CHSY3: variants seen among roughly 807,000 people sequenced by gnomAD.
The protein encoded by CHSY3 is chondroitin sulfate synthase 3.
In CHSY3, 35 loss-of-function variants were observed where a neutral mutation model predicts 67.2. That is an observed-to-expected ratio of 0.52 (90% CI 0.40 to 0.69). The LOEUF is 0.69. Ranked by LOEUF, CHSY3 falls within the 30% of genes least tolerant of loss-of-function variation. The pLI is 0.00. For missense variants in CHSY3, 1,069 were observed against 1,138.5 expected, an observed-to-expected ratio of 0.94 and a Z score of 0.88; for synonymous variants, 474 against 434.7, an observed-to-expected ratio of 1.09 and a Z score of -1.12.
intron 2 of CHSY3, among the ~76,000 whole-genome samples, chr5:130,053,894 G>A (rs1765445004): frequency 6.6e-6 from 1 of 151,930 alleles, no homozygotes; most frequent in South Asian, 2.1e-4. Context: ...CATAAATCTG[G>A]AAAATTCATC....
intron 2 of CHSY3, among the ~76,000 whole-genome samples, chr5:129,924,864 A>G (rs1172515267): frequency 1.3e-5 from 2 of 152,152 alleles, no homozygotes; most frequent in African/African-American, 4.8e-5. Flanking sequence ...TTTTTAGACT[A>G]CTAAAAAAAT....
chr5:130,039,711 C>T (rs79998307), intron 2 of CHSY3, among the ~76,000 whole-genome samples: 360 of 152,132 alleles, frequency 2.4e-3, no homozygotes, highest in African/African-American at 8.4e-3. Context: ...CTCCTAGGCT[C>T]AAGTGATCCA....
chr5:129,935,339 T>C (rs1340154104), intron 2 of CHSY3, among the ~76,000 whole-genome samples: 1 of 152,190 alleles, frequency 6.6e-6, no homozygotes, highest in African/African-American at 2.4e-5. Flanking sequence ...TGGCAGTCTA[T>C]ATTTTTACTC....
At chr5:130,139,103 A>T (rs562070407) in intron 2 of CHSY3, among the ~76,000 whole-genome samples, 1 of 152,216 alleles carries the variant, frequency 6.6e-6, no homozygotes, top group Non-Finnish European at 1.5e-5. Flanking sequence ...GTGTCTAAAC[A>T]TAGAAAAGTT....
chr5:130,051,210 G>A (rs893219158), intron 2 of CHSY3, among the ~76,000 whole-genome samples: 12 of 152,112 alleles, frequency 7.9e-5, no homozygotes, highest in Admixed American at 2.6e-4. Flanking sequence ...GGAGGGAAAC[G>A]TCATATTATG....
At chr5:129,927,392 T>C (rs1257419072) in intron 2 of CHSY3, among the ~76,000 whole-genome samples, 1 of 152,036 alleles carries the variant, frequency 6.6e-6, no homozygotes, top group African/African-American at 2.4e-5. Context: ...AAGTTTTGTG[T>C]TTGGGACATT....
chr5:129,951,532 A>G (rs1401923431), intron 2 of CHSY3, among the ~76,000 whole-genome samples: 1 of 152,232 alleles, frequency 6.6e-6, no homozygotes, highest in Non-Finnish European at 1.5e-5. Context: ...TTTTTAAATT[A>G]ATAATGTATA....
At chr5:129,982,309 A>C (rs1200568928) in intron 2 of CHSY3, among the ~76,000 whole-genome samples, 1 of 152,050 alleles carries the variant, frequency 6.6e-6, no homozygotes, top group African/African-American at 2.4e-5. Flanking sequence ...AAAAAAAACA[A>C]CCCATCAATG....
At chr5:130,054,481 G>A (rs1252574578) in intron 2 of CHSY3, among the ~76,000 whole-genome samples, 1 of 152,144 alleles carries the variant, frequency 6.6e-6, no homozygotes, top group Non-Finnish European at 1.5e-5. Context: ...AAGTAGTTAA[G>A]AAGATAAGGC....
chr5:130,125,925 T>C (rs1389757274), intron 2 of CHSY3, among the ~76,000 whole-genome samples: 2 of 152,228 alleles, frequency 1.3e-5, no homozygotes, highest in East Asian at 1.9e-4. Context: ...TCACAGTTCA[T>C]TAGACCTTTT....
At chr5:129,974,433 C>T (rs541181852) in intron 2 of CHSY3, among the ~76,000 whole-genome samples, 1 of 152,182 alleles carries the variant, frequency 6.6e-6, no homozygotes, top group East Asian at 1.9e-4. Flanking sequence ...CTCACCCCTA[C>T]CCCCAGTGCC....
chr5:129,923,591 G>A (rs1189224289), intron 2 of CHSY3, among the ~76,000 whole-genome samples: 1 of 152,138 alleles, frequency 6.6e-6, no homozygotes, highest in South Asian at 2.1e-4. Context: ...GTGGTTAGAT[G>A]GACCTCACTG....
At chr5:130,108,302 A>G (rs1767476590) in intron 2 of CHSY3, among the ~76,000 whole-genome samples, 1 of 151,584 alleles carries the variant, frequency 6.6e-6, no homozygotes, top group African/African-American at 2.4e-5. Context: ...GCATAATTCC[A>G]GAGAGCCCTT....
intron 2 of CHSY3, among the ~76,000 whole-genome samples, chr5:130,035,887 T>G (rs1207271210): frequency 1.2e-5 from 1 of 81,840 alleles, no homozygotes; most frequent in Admixed American, 1.2e-4. Flanking sequence ...CATTTGGTTG[T>G]TTTTTTTTTT....
At chr5:129,986,428 A>G (rs901432239) in intron 2 of CHSY3, among the ~76,000 whole-genome samples, 7 of 151,936 alleles carry the variant, frequency 4.6e-5, no homozygotes, top group Non-Finnish European at 1.0e-4. Flanking sequence ...TTCTATTTGC[A>G]ATTACTTGTT....
At chr5:130,114,376 C>T (rs1767708119) in intron 2 of CHSY3, 1 of 152,038 alleles carries the variant, frequency 6.6e-6, no homozygotes, top group Non-Finnish European at 1.5e-5. Context: ...TCTAAAGCCC[C>T]TAAGTGAAGT....
At chr5:130,141,580 G>A in intron 2 of CHSY3, 1 of 476,898 alleles carries the variant, frequency 2.1e-6, no homozygotes, top group South Asian at 1.6e-5. Flanking sequence ...TATGGTCCAG[G>A]AAGCTGAGAA....
At chr5:130,083,336 G>T (rs1190926987) in intron 2 of CHSY3, among the ~76,000 whole-genome samples, 1 of 151,994 alleles carries the variant, frequency 6.6e-6, no homozygotes, top group Non-Finnish European at 1.5e-5. Flanking sequence ...GTACTGAGCT[G>T]GCAAAGCATC....
chr5:130,143,810 GTATATATATATATATATATATATATA>G lies in CHSY3; in HGVS notation c.1087-40407_1087-40382del, dbSNP rs61284287. On this transcript the variant is annotated intron_variant, in intron 2 of 2. Coordinates refer to ENST00000305031, the MANE Select transcript of CHSY3 (RefSeq NM_175856.5). Reference sequence around the variant, plus strand: ...TATATATATATATATATATATGTGTGTATATATATATATATATATATATATATATATATATATGCCAATTCAGCTAT... The same window carrying G: ...TATATATATATATATATATATGTGTGTATATATATATGCCAATTCAGCTAT... Among the ~76,000 whole-genome samples the G allele has an allele frequency of 2.3e-4, 13 of 56,484 alleles. 1 individual carries two copies. Among genetic ancestry groups the G allele is most frequent in the Admixed American group, 2.2e-3 (9 of 4,040 alleles). 37.1% of individuals were successfully genotyped at this position (56,484 alleles called of 152,430 possible). A position where few individuals can be genotyped will look rare whatever the true frequency, so the allele number is the denominator to read the frequency against.
Sources: allele counts gnomAD v4.1 joint callset (sites outside exome capture counted in the v4.1 genomes callset), GRCh38; gene constraint gnomAD v4.1.1; transcripts MANE v1.5; gene names NCBI Gene and HGNC (gene_info 2026-07-23, HGNC 2026-07-21).